Variants in OSTF1 observed in about 807,000 individuals in gnomAD.
OSTF1 encodes the protein osteoclast stimulating factor 1, also known as osteoclast-stimulating factor 1.
In OSTF1, 27 loss-of-function variants were observed where a neutral mutation model predicts 37.2. That is an observed-to-expected ratio of 0.73 (90% CI 0.54 to 1.00). The LOEUF is 1.00. Ranked by LOEUF, OSTF1 falls within the 50% of genes least tolerant of loss-of-function variation. OSTF1 has a pLI of 0.00. For synonymous variants in OSTF1, 82 were observed against 89.2 expected, an observed-to-expected ratio of 0.92 and a Z score of 0.46; for missense variants, 232 against 253.8, an observed-to-expected ratio of 0.91 and a Z score of 0.58.
At chr9:75,089,051 C>G (rs1824879276) in intron 1 of OSTF1, among the ~76,000 whole-genome samples, 1 of 152,062 alleles carries the variant, frequency 6.6e-6, no homozygotes, top group Non-Finnish European at 1.5e-5. Context: ...AAGACAGGGC[C>G]ATTGATCTCC....
chr9:75,099,339 C>T (rs1206986055), intron 1 of OSTF1, among the ~76,000 whole-genome samples: 1 of 151,992 alleles, frequency 6.6e-6, no homozygotes, highest in Non-Finnish European at 1.5e-5. Context: ...GCAGTCTCAA[C>T]CTCCTGGGCT....
At chr9:75,100,256 C>T (rs1825166332) in intron 1 of OSTF1, among the ~76,000 whole-genome samples, 1 of 152,192 alleles carries the variant, frequency 6.6e-6, no homozygotes, top group African/African-American at 2.4e-5. Context: ...CCATCCACAT[C>T]TTAAACAGTA....
chr9:75,129,481 G>A (rs1240872515), intron 3 of OSTF1, among the ~76,000 whole-genome samples: 1 of 152,090 alleles, frequency 6.6e-6, no homozygotes, highest in Non-Finnish European at 1.5e-5. Context: ...TGATCATCAA[G>A]GGCTACTAAC....
chr9:75,094,296 T>A (rs144819735), intron 1 of OSTF1, among the ~76,000 whole-genome samples: 39 of 152,246 alleles, frequency 2.6e-4, no homozygotes, highest in African/African-American at 7.9e-4. Context: ...GTCTTTTATT[T>A]CTTTGTAACT....
At chr9:75,114,155 G>A (rs1825440643) in intron 1 of OSTF1, among the ~76,000 whole-genome samples, 1 of 150,408 alleles carries the variant, frequency 6.6e-6, no homozygotes, top group African/African-American at 2.4e-5. Flanking sequence ...GTATTCTATT[G>A]TGTGTGTGTG....
chr9:75,101,630 A>AT (rs1587441069), intron 1 of OSTF1, among the ~76,000 whole-genome samples: 1 of 151,968 alleles, frequency 6.6e-6, no homozygotes, highest in East Asian at 1.9e-4. Flanking sequence ...TTTGCTCTTT[A>AT]TTTTTTCCTC....
At chr9:75,104,400 A>T (rs578066909) in intron 1 of OSTF1, among the ~76,000 whole-genome samples, 1 of 152,234 alleles carries the variant, frequency 6.6e-6, no homozygotes, top group African/African-American at 2.4e-5. Context: ...TTGAAAAGTT[A>T]GCCGGGCATG....
chr9:75,133,895 T>C (rs1825804392), intron 6 of OSTF1, among the ~76,000 whole-genome samples: 1 of 152,214 alleles, frequency 6.6e-6, no homozygotes, highest in Admixed American at 6.5e-5. Flanking sequence ...GATGTATTTC[T>C]TCCTGGACAA....
At chr9:75,128,287 G>C (rs1480697995) in intron 3 of OSTF1, among the ~76,000 whole-genome samples, 1 of 143,030 alleles carries the variant, frequency 7.0e-6, no homozygotes, top group Non-Finnish European at 1.5e-5. Context: ...TAACCACACA[G>C]AGAGGAAATA....
At chr9:75,136,551 C>G (rs998790063) in intron 7 of OSTF1, among the ~76,000 whole-genome samples, 2 of 152,184 alleles carry the variant, frequency 1.3e-5, no homozygotes, top group African/African-American at 4.8e-5. Context: ...TGCCACTGGC[C>G]TGGCTTATTT....
intron 3 of OSTF1, among the ~76,000 whole-genome samples, chr9:75,129,233 A>G (rs187572025): frequency 1.3e-5 from 2 of 152,342 alleles, no homozygotes; most frequent in Admixed American, 1.3e-4. Flanking sequence ...CTTCTGAGGA[A>G]ATCTCATTGG....
intron 1 of OSTF1, among the ~76,000 whole-genome samples, chr9:75,106,731 G>T (rs994932159): frequency 6.7e-6 from 1 of 149,146 alleles, no homozygotes; most frequent in Non-Finnish European, 1.5e-5. Context: ...CGGGGCGGGC[G>T]GATCACAAGG....
chr9:75,096,711 T>C (rs1825092896), intron 1 of OSTF1, among the ~76,000 whole-genome samples: 1 of 152,208 alleles, frequency 6.6e-6, no homozygotes, highest in Non-Finnish European at 1.5e-5. Flanking sequence ...GTGTGTGTCT[T>C]CGAGGAACTT....
intron 2 of OSTF1, among the ~76,000 whole-genome samples, chr9:75,122,864 C>T (rs1231764518): frequency 6.6e-6 from 1 of 152,110 alleles, no homozygotes; most frequent in Non-Finnish European, 1.5e-5. Context: ...TTTGTTTTCT[C>T]TTTTTATTAA....
chr9:75,146,975 C>A lies in OSTF1; in HGVS notation c.*234C>A, dbSNP rs1029577478. 5 of 244,380 alleles carry A rather than the reference C, an allele frequency of 2.0e-5. No homozygotes were observed. Among genetic ancestry groups the A allele is most frequent in the Non-Finnish European group, 3.8e-5 (5 of 133,150 alleles). 15.1% of individuals were successfully genotyped at this position (244,380 alleles called of 1,614,324 possible). ...AAAGTAGAACAAGAAGATATTATTT[C>A]TATTTATCAAGCAAAAGGAATTTTA... On this transcript the variant is annotated 3_prime_UTR_variant, in exon 10 of 10. Transcript: ENST00000346234.
intron 6 of OSTF1, 51 bp from the exon 7 acceptor site, chr9:75,134,295 C>A: frequency 2.5e-6 from 2 of 811,400 alleles, no homozygotes; most frequent in South Asian, 3.4e-5. Context: ...CTAGATTTGT[C>A]AGGCTTCTAA....
At chr9:75,135,981 C>T (rs1488847035) in intron 7 of OSTF1, among the ~76,000 whole-genome samples, 1 of 152,150 alleles carries the variant, frequency 6.6e-6, no homozygotes, top group Non-Finnish European at 1.5e-5. Flanking sequence ...TTTAGGGGCC[C>T]ACCTGGTTAG....
chr9:75,096,406 C>A (rs1266734978), intron 1 of OSTF1, among the ~76,000 whole-genome samples: 1 of 152,276 alleles, frequency 6.6e-6, no homozygotes, highest in East Asian at 1.9e-4. Flanking sequence ...ATTCTTGGGA[C>A]CGAAGAATGC....
chr9:75,132,248 T>A (rs1253967574), intron 5 of OSTF1, among the ~76,000 whole-genome samples: 1 of 152,076 alleles, frequency 6.6e-6, no homozygotes, highest in Non-Finnish European at 1.5e-5. Flanking sequence ...AAGGGTCTGG[T>A]GGGTACAGCA....
Sources: allele counts gnomAD v4.1 joint callset (sites outside exome capture counted in the v4.1 genomes callset), GRCh38; gene constraint gnomAD v4.1.1; transcripts MANE v1.5; gene names NCBI Gene and HGNC (gene_info 2026-07-23, HGNC 2026-07-21).